Variants in RTN1 observed in about 807,000 individuals in gnomAD.
RTN1 encodes the protein reticulon-1.
Under a neutral mutation model 65.5 loss-of-function variants are expected in RTN1, and 25 were observed. The observed-to-expected ratio is 0.38, with a 90% CI of 0.28 to 0.53. The LOEUF is 0.53. RTN1 is among the 20% of genes least tolerant of loss of function. RTN1 has a pLI of 0.79. For synonymous variants in RTN1, 471 were observed against 447.6 expected, an observed-to-expected ratio of 1.05 and a Z score of -0.66; for missense variants, 983 against 1,025.4, an observed-to-expected ratio of 0.96 and a Z score of 0.57.
chr14:59,815,175 A>G (rs573462766), intron 1 of RTN1, among the ~76,000 whole-genome samples: 2 of 152,340 alleles, frequency 1.3e-5, no homozygotes, highest in South Asian at 4.1e-4. Context: ...AGTTACTATC[A>G]TAGGCACTGA....
rs145894369 is a variant in RTN1, at chr14:59,748,449, C to A, written c.242-1968G>T. Among the ~76,000 whole-genome samples the A allele has an allele frequency of 3.8e-3, 583 of 151,952 alleles. 2 individuals carry two copies. Among genetic ancestry groups the A allele is most frequent in the African/African-American group, 0.013 (556 of 41,420 alleles). ...ACCTATATACCTAATTCTCTCACCC[C>A]CAAGTCTTTGCTCAAATGTCGCCGT... is the stretch of plus-strand genomic sequence containing the variant. On this transcript the variant is annotated intron_variant, in intron 1 of 8. Coordinates refer to ENST00000267484, the MANE Select transcript of RTN1 (RefSeq NM_021136.3).
chr14:59,866,834 C>T (rs1200177174), intron 1 of RTN1, among the ~76,000 whole-genome samples: 1 of 152,134 alleles, frequency 6.6e-6, no homozygotes, highest in Non-Finnish European at 1.5e-5. Flanking sequence ...GTCTACACAT[C>T]TGTCAAACAC....
At chr14:59,764,734 G>C (rs1448487252) in intron 1 of RTN1, among the ~76,000 whole-genome samples, 3 of 152,142 alleles carry the variant, frequency 2.0e-5, no homozygotes, top group Non-Finnish European at 4.4e-5. Flanking sequence ...AACAACAACA[G>C]ATATTATTTG....
rs895024198 is a variant in RTN1, at chr14:59,816,453, T to C, written c.241+53937A>G. 2.0e-5 allele frequency among the ~76,000 whole-genome samples: 3 copies of C among 152,106 alleles called. No individual in the cohort carries two copies. The highest frequency in any genetic ancestry group is 7.2e-5 in the African/African-American group (3 of 41,410). ...CTAGGAAACAAGAATGGAATCCTCT[T>C]TAGCTCTGTATCTCCAGCACTCACA... is the stretch of plus-strand genomic sequence containing the variant. On this transcript the variant is annotated intron_variant, in intron 1 of 8. Transcript: ENST00000267484. This position sits in a 1 kb window ranked among gnomAD's most constrained non-coding sequence, Gnocchi z 4.3.
intron 2 of RTN1, among the ~76,000 whole-genome samples, chr14:59,738,260 A>G (rs1187697006): frequency 2.6e-5 from 4 of 152,236 alleles, no homozygotes; most frequent in Non-Finnish European, 5.9e-5. Context: ...TGCATCTGAC[A>G]AAGGTCTAAT....
chr14:59,758,492 G>A (rs1465211557), intron 1 of RTN1, among the ~76,000 whole-genome samples: 1 of 152,112 alleles, frequency 6.6e-6, no homozygotes, highest in Non-Finnish European at 1.5e-5. Context: ...TTCTACTTCT[G>A]TGCCTCTGCT....
chr14:59,866,660 T>C (rs1183279649), intron 1 of RTN1, among the ~76,000 whole-genome samples: 1 of 152,176 alleles, frequency 6.6e-6, no homozygotes, highest in East Asian at 1.9e-4. Context: ...TTGCATTAGT[T>C]TTCCAAACTC....
chr14:59,674,559 C>T (rs1883580609), intron 3 of RTN1, among the ~76,000 whole-genome samples: 1 of 152,296 alleles, frequency 6.6e-6, no homozygotes, highest in South Asian at 2.1e-4. Flanking sequence ...TTTGAACTGG[C>T]TTTACCTAAA....
chr14:59,800,984 G>A (rs1026651388), intron 1 of RTN1, among the ~76,000 whole-genome samples: 1 of 151,900 alleles, frequency 6.6e-6, no homozygotes, highest in Non-Finnish European at 1.5e-5. Flanking sequence ...CAGCTTACTG[G>A]ACACAACTGA....
chr14:59,776,237 A>G (rs74061308), intron 1 of RTN1, among the ~76,000 whole-genome samples: 2,105 of 152,218 alleles, frequency 0.014, 49 homozygotes, highest in African/African-American at 0.047. Flanking sequence ...CAATGCATCA[A>G]TGTTGGGAGC....
chr14:59,704,499 T>C (rs902548296), intron 3 of RTN1, among the ~76,000 whole-genome samples: 4 of 152,142 alleles, frequency 2.6e-5, no homozygotes. Flanking sequence ...GCACCAAAAA[T>C]AGCAAGCTTT....
At chr14:59,858,654 G>A (rs925268838) in intron 1 of RTN1, among the ~76,000 whole-genome samples, 3 of 152,048 alleles carry the variant, frequency 2.0e-5, no homozygotes, top group Non-Finnish European at 2.9e-5. Context: ...GATTGGACAC[G>A]GAAATTAGAA....
chr14:59,731,782 G>T (rs1884902544), intron 2 of RTN1, among the ~76,000 whole-genome samples: 1 of 152,122 alleles, frequency 6.6e-6, no homozygotes, highest in Admixed American at 6.5e-5. Context: ...ACTTTCTTCA[G>T]ATTTTCCTCC....
At chr14:59,654,507 C>A (rs1594656218) in intron 3 of RTN1, among the ~76,000 whole-genome samples, 1 of 142,456 alleles carries the variant, frequency 7.0e-6, no homozygotes, top group Non-Finnish European at 1.5e-5. Flanking sequence ...ATGCTAAAAT[C>A]AGAAAAAGTC....
chr14:59,640,927 T>C (rs1882766341), intron 3 of RTN1, among the ~76,000 whole-genome samples: 1 of 152,236 alleles, frequency 6.6e-6, no homozygotes, highest in Non-Finnish European at 1.5e-5. Context: ...CACTATTGTT[T>C]TACTAACTTC....
At chr14:59,731,573 A>T (rs542759387) in intron 2 of RTN1, among the ~76,000 whole-genome samples, 5 of 152,186 alleles carry the variant, frequency 3.3e-5, no homozygotes, top group Admixed American at 1.3e-4. Context: ...GTGAAAAGTA[A>T]TGCTTTTATT....
chr14:59,729,570 C>T (rs561745086), intron 2 of RTN1, among the ~76,000 whole-genome samples: 1 of 152,308 alleles, frequency 6.6e-6, no homozygotes, highest in Non-Finnish European at 1.5e-5. Flanking sequence ...CAGCTTACTT[C>T]TGAGTGGTTG....
chr14:59,838,790 G>T (rs1401213394), intron 1 of RTN1, among the ~76,000 whole-genome samples: 3 of 151,966 alleles, frequency 2.0e-5, no homozygotes, highest in Non-Finnish European at 4.4e-5. Flanking sequence ...AATTGAGAGG[G>T]CACAAAAAAC....
At chr14:59,821,691 G>A (rs1469860071) in intron 1 of RTN1, among the ~76,000 whole-genome samples, 1 of 152,120 alleles carries the variant, frequency 6.6e-6, no homozygotes, top group Non-Finnish European at 1.5e-5. Flanking sequence ...ATGATCTTTC[G>A]ATGCCCAGTT....
Sources: allele counts gnomAD v4.1 joint callset (sites outside exome capture counted in the v4.1 genomes callset), GRCh38; gene constraint gnomAD v4.1.1; non-coding constraint Gnocchi (gnomAD v3.1); transcripts MANE v1.5; gene names NCBI Gene and HGNC (gene_info 2026-07-23, HGNC 2026-07-21).